LRP1B: variants seen among roughly 807,000 people sequenced by gnomAD.
The protein encoded by LRP1B is low-density lipoprotein receptor-related protein 1B.
In LRP1B, 217 loss-of-function variants were observed where a neutral mutation model predicts 556.6. That is an observed-to-expected ratio of 0.39 (90% CI 0.35 to 0.44). The LOEUF (loss-of-function observed/expected upper bound fraction) is 0.44, where lower values mean the gene tolerates loss of function less well. Among genes scored for constraint, LRP1B ranks in the 20% least tolerant of loss-of-function variants. The pLI is 1.00. For synonymous variants in LRP1B, 2,047 were observed against 1,865.8 expected, an observed-to-expected ratio of 1.10 and a Z score of -2.50; for missense variants, 5,053 against 5,620.8, an observed-to-expected ratio of 0.90 and a Z score of 3.23.
Position 141,038,111 on chromosome 2 carries a change from G to T in LRP1B, c.1789+10875C>A, listed in dbSNP as rs185673864. Among the ~76,000 whole-genome samples the T allele has an allele frequency of 3.4e-5, 5 of 148,286 alleles. No homozygotes were observed. The East Asian group carries it at 9.9e-4, about 29-fold the overall frequency. On this transcript the variant is annotated intron_variant, in intron 11 of 90. Coordinates refer to ENST00000389484, the MANE Select transcript of LRP1B (RefSeq NM_018557.3). Reference sequence around the variant, plus strand: ...ACTAGCAGGGACATATAGATATTCAGCCCAGAAAAGTAAAAACTAAAAATA... The same window carrying T: ...ACTAGCAGGGACATATAGATATTCATCCCAGAAAAGTAAAAACTAAAAATA...
chr2:141,498,273 C>A (rs1353638972), intron 2 of LRP1B, among the ~76,000 whole-genome samples: 1 of 30,910 alleles, frequency 3.2e-5, no homozygotes, highest in African/African-American at 1.9e-4. Flanking sequence ...AAATGAACTC[C>A]TTCATCTACA....
intron 55 of LRP1B, among the ~76,000 whole-genome samples, chr2:140,497,927 T>C (rs1689018533): frequency 6.6e-6 from 1 of 151,906 alleles, no homozygotes; most frequent in South Asian, 2.1e-4. Context: ...TTTTTTAAAA[T>C]TTTATTTTGT....
chr2:142,092,164 G>A (rs1372361615), intron 1 of LRP1B, among the ~76,000 whole-genome samples: 1 of 152,122 alleles, frequency 6.6e-6, no homozygotes, highest in African/African-American at 2.4e-5. Context: ...CTTTGCTTAT[G>A]GCATGGTGAA....
At chr2:140,407,956 A>C (rs1238190956) in intron 66 of LRP1B, among the ~76,000 whole-genome samples, 1 of 151,770 alleles carries the variant, frequency 6.6e-6, no homozygotes, top group Non-Finnish European at 1.5e-5. Context: ...TGAGTGGATA[A>C]AAAAAATATG....
At chr2:141,714,664 G>C (rs577046703) in intron 2 of LRP1B, among the ~76,000 whole-genome samples, 2 of 152,170 alleles carry the variant, frequency 1.3e-5, no homozygotes, top group South Asian at 4.1e-4. Context: ...TGTTAGAAAC[G>C]CATGACCTGG....
chr2:140,371,357 CAT>C (rs1682985621), intron 69 of LRP1B, 72 bp from the exon 70 acceptor site: 2 of 681,538 alleles, frequency 2.9e-6, no homozygotes, highest in Non-Finnish European at 4.7e-6. Context: ...AACATAAACA[CAT>C]AAATATATGA....
intron 74 of LRP1B, 82 bp from the exon 75 acceptor site, chr2:140,356,558 G>T: frequency 2.1e-6 from 2 of 943,122 alleles, no homozygotes. Flanking sequence ...TGTTTGAAAT[G>T]GTATTTATTA....
intron 75 of LRP1B, 68 bp downstream of exon 75, chr2:140,356,274 T>C: frequency 6.7e-7 from 1 of 1,499,174 alleles, no homozygotes; most frequent in South Asian, 1.1e-5. Context: ...GATCTCACAA[T>C]TTAGAAGTCT....
At chr2:140,431,521 T>G (rs1025342637) in intron 66 of LRP1B, among the ~76,000 whole-genome samples, 4 of 152,128 alleles carry the variant, frequency 2.6e-5, no homozygotes, top group Admixed American at 6.5e-5. Flanking sequence ...TTTACACTGT[T>G]TCTCCAAGCC....
chr2:140,373,011 G>A lies in LRP1B; in HGVS notation c.10765C>T (p.Pro3589Ser), dbSNP rs751495241. 68 of 1,612,668 alleles carry A rather than the reference G, an allele frequency of 4.2e-5. No individual in the cohort carries two copies. In the East Asian group the frequency reaches 1.0e-3, roughly 25 times the overall value. Residue 3589 changes from proline to serine, a missense_variant, in exon 69 of 91, where the codon CCA becomes TCA. Pro to Ser is a moderately conservative substitution (Grantham distance 74). Around this residue, in one of 5 missense-constraint regions of LRP1B, gnomAD observed 599 missense variants for 648.4 expected, o/e 0.92. Coordinates refer to ENST00000389484, the MANE Select transcript of LRP1B (RefSeq NM_018557.3). ...KYGEDEKSCEPASPTCSSREY... is the reference protein window; with the variant it reads ...KYGEDEKSCESASPTCSSREY... ...TATATTACTTCAATCCTTTTACCTG[G>A]CTCACAGCTTTTCTCATCTTCCCCA... is the stretch of plus-strand genomic sequence containing the variant.
At chr2:142,028,540 T>C (rs1344334458) in intron 1 of LRP1B, among the ~76,000 whole-genome samples, 1 of 152,048 alleles carries the variant, frequency 6.6e-6, no homozygotes, top group Non-Finnish European at 1.5e-5. Flanking sequence ...TTCCAAACTA[T>C]GGATGTACCA....
chr2:140,478,942 C>T (rs565617404), intron 59 of LRP1B, among the ~76,000 whole-genome samples: 1 of 152,070 alleles, frequency 6.6e-6, no homozygotes, highest in East Asian at 1.9e-4. Context: ...TACTCTCCTA[C>T]TAGACTACCT....
intron 3 of LRP1B, among the ~76,000 whole-genome samples, chr2:141,383,224 T>C (rs115107775): frequency 0.051 from 7,802 of 152,152 alleles, 226 homozygotes; most frequent in South Asian, 0.08. Flanking sequence ...ATGATAAGTG[T>C]TAATGGAGAA....
At chr2:141,776,616 T>C (rs953589711) in intron 2 of LRP1B, among the ~76,000 whole-genome samples, 1 of 152,176 alleles carries the variant, frequency 6.6e-6, no homozygotes, top group Non-Finnish European at 1.5e-5. Context: ...ATAGTGATGA[T>C]GGCTTCATAA....
At chr2:141,760,576 A>G (rs151027632) in intron 2 of LRP1B, among the ~76,000 whole-genome samples, 29 of 152,328 alleles carry the variant, frequency 1.9e-4, no homozygotes, top group African/African-American at 7.0e-4. Flanking sequence ...CTTATATACA[A>G]CAATAAAGAT....
chr2:140,975,002 C>T lies in LRP1B; in HGVS notation c.2887+7158G>A, dbSNP rs115949754. 2.0e-3 allele frequency among the ~76,000 whole-genome samples: 298 copies of T among 152,236 alleles called. 1 individual carries two copies. The highest frequency in any genetic ancestry group is 6.8e-3 in the African/African-American group (284 of 41,544). On this transcript the variant is annotated intron_variant, in intron 18 of 90. Transcript: ENST00000389484. ...GAAGAACAAAGAACTGGAGAGTGAT[C>T]GCAGGCCCAAGGGATAGGCCATTAA...
chr2:140,967,628 G>A (rs1332956843), intron 18 of LRP1B, among the ~76,000 whole-genome samples: 2 of 151,802 alleles, frequency 1.3e-5, no homozygotes, highest in Admixed American at 1.3e-4. Flanking sequence ...AGTTTTCAAA[G>A]GGAATGCTTC....
At chr2:141,352,004 G>GT (rs1449046483) in intron 3 of LRP1B, among the ~76,000 whole-genome samples, 2 of 151,866 alleles carry the variant, frequency 1.3e-5, no homozygotes, top group Non-Finnish European at 2.9e-5. Context: ...AGTGTAAAGT[G>GT]TTTATTACCA....
chr2:140,419,073 A>G (rs1573915536), intron 66 of LRP1B, among the ~76,000 whole-genome samples: 2 of 152,220 alleles, frequency 1.3e-5, no homozygotes, highest in African/African-American at 4.8e-5. Context: ...CTATTTAGGG[A>G]AACATTTCTG....
Sources: gnomAD v4.1 joint callset for allele counts (sites outside exome capture counted in the v4.1 genomes callset) on GRCh38, gnomAD v4.1.1 for gene constraint, gnomAD v4.1.1 regional missense constraint, MANE v1.5 for transcripts, NCBI Gene and HGNC (gene_info 2026-07-23, HGNC 2026-07-21) for gene names.